Variants in SARDH observed in about 807,000 individuals in gnomAD.
The protein encoded by SARDH is sarcosine dehydrogenase, also known as sarcosine dehydrogenase, mitochondrial.
Under a neutral mutation model 109.1 loss-of-function variants are expected in SARDH, and 95 were observed. The observed-to-expected ratio is 0.87, with a 90% confidence interval of 0.74 to 1.03. The LOEUF (loss-of-function observed/expected upper bound fraction) is 1.03, where lower values mean the gene tolerates loss of function less well. Among genes scored for constraint, SARDH ranks in the 50% least tolerant of loss-of-function variants. The pLI is 0.00. For synonymous variants in SARDH, 572 were observed against 534.8 expected, an observed-to-expected ratio of 1.07 and a Z score of -0.96; for missense variants, 1,267 against 1,287.8, an observed-to-expected ratio of 0.98 and a Z score of 0.25.
Position 133,674,024 on chromosome 9 carries a change from A to T in SARDH, c.2164-2327T>A, listed in dbSNP as rs189343732. On this transcript the variant is annotated intron_variant, in intron 17 of 20. Transcript: ENST00000439388. ...AACAGTCCCTGAACGAAGGAGCAAAACGGGGGCCACACCTGCTTCCTGCCA... is the reference window on the plus strand; with the variant it reads ...AACAGTCCCTGAACGAAGGAGCAAATCGGGGGCCACACCTGCTTCCTGCCA... Among the ~76,000 whole-genome samples, 47 of 152,312 alleles carry T rather than the reference A, an allele frequency of 3.1e-4. No homozygotes were observed. The South Asian group carries it at 7.1e-3, about 23-fold the overall frequency.
intron 17 of SARDH, among the ~76,000 whole-genome samples, chr9:133,679,865 G>A (rs1042448786): frequency 1.3e-5 from 2 of 152,198 alleles, no homozygotes; most frequent in Non-Finnish European, 2.9e-5. Flanking sequence ...TCTCGCACCC[G>A]GGGCCCGGGT....
At position 133,663,765 on chromosome 9, in the gene SARDH, T is replaced by C. The variant is rs1462916492; in HGVS notation, c.*124A>G. ...TCTGGTTTGGGGGTTTTCGCAGGAC[T>C]AGGCCTAGGCTAAGGACAGGGAGGG... On this transcript the variant is annotated 3_prime_UTR_variant, in exon 21 of 21. Transcript: ENST00000439388. The C allele has an allele frequency of 7.3e-7, 1 of 1,370,556 alleles. No individual in the cohort carries two copies. Among genetic ancestry groups the C allele is most frequent in the African/African-American group, 1.4e-5 (1 of 68,970 alleles). 84.9% of individuals were successfully genotyped at this position (1,370,556 alleles called of 1,614,324 possible).
At chr9:133,735,272 C>A (rs1012235096) in intron 1 of SARDH, among the ~76,000 whole-genome samples, 1 of 152,176 alleles carries the variant, frequency 6.6e-6, no homozygotes, top group Non-Finnish European at 1.5e-5. Flanking sequence ...GCTCTGCTCC[C>A]TTGGGGCCAC....
rs1415672756 is a variant in SARDH at position 133,692,911 on chromosome 9, C to T, written c.1921+1347G>A. Among the ~76,000 whole-genome samples, 1 of 152,168 alleles carries T rather than the reference C, an allele frequency of 6.6e-6. No homozygotes were observed. The highest frequency in any genetic ancestry group is 1.5e-5 in the Non-Finnish European group (1 of 68,026). ...TGCGCACCCCATAGGACCCCTCACT[C>T]ACGCTCTCAGCCTCATCTCCGCCAC... On this transcript the variant is annotated intron_variant, in intron 15 of 20. Coordinates refer to ENST00000439388, the MANE Select transcript of SARDH (RefSeq NM_001134707.2). This position sits in a 1 kb window ranked among gnomAD's most constrained non-coding sequence, Gnocchi z 5.0.
chr9:133,683,513 G>A (rs113092824), intron 17 of SARDH, among the ~76,000 whole-genome samples: 1 of 152,168 alleles, frequency 6.6e-6, no homozygotes, highest in Non-Finnish European at 1.5e-5. Flanking sequence ...CCATCTGAAG[G>A]CCGTGTGGCC....
intron 8 of SARDH, among the ~76,000 whole-genome samples, chr9:133,714,605 G>A (rs889949928): frequency 3.3e-5 from 5 of 152,084 alleles, no homozygotes; most frequent in African/African-American, 7.2e-5. Flanking sequence ...ATAGCGAGAC[G>A]GCATCTCTAC....
At chr9:133,661,977 G>A (rs1196112338), downstream of SARDH, among the ~76,000 whole-genome samples, 3 of 152,208 alleles carry the variant, frequency 2.0e-5, no homozygotes, top group African/African-American at 7.2e-5. Context: ...CCCGGGCGGT[G>A]CACTTGGGAG....
At chr9:133,725,786 G>A (rs111766708) in intron 6 of SARDH, 92 of 216,260 alleles carry the variant, frequency 4.3e-4, no homozygotes, top group African/African-American at 2.0e-3. Context: ...AAACAAGACC[G>A]TTTAGAAAGC....
chr9:133,698,651 A>T (rs1831372779), intron 13 of SARDH, among the ~76,000 whole-genome samples: 2 of 152,326 alleles, frequency 1.3e-5, no homozygotes, highest in South Asian at 4.1e-4. Context: ...ATTTTCAACA[A>T]GGGTGCCAAG....
At chr9:133,679,149 G>A (rs1248715149) in intron 17 of SARDH, among the ~76,000 whole-genome samples, 2 of 152,190 alleles carry the variant, frequency 1.3e-5, no homozygotes, top group East Asian at 1.9e-4. Context: ...GCAACAGCTC[G>A]ACCCGTGACA....
At chr9:133,697,634 T>G (rs976866288) in intron 13 of SARDH, among the ~76,000 whole-genome samples, 1 of 152,196 alleles carries the variant, frequency 6.6e-6, no homozygotes, top group African/African-American at 2.4e-5. Context: ...AATCAATTGA[T>G]GTAATGCAAC....
At chr9:133,680,270 C>G (rs978294139) in intron 17 of SARDH, among the ~76,000 whole-genome samples, 1 of 152,206 alleles carries the variant, frequency 6.6e-6, no homozygotes, top group African/African-American at 2.4e-5. Context: ...AGCCAGGCTT[C>G]TGGCCTGAGC....
At chr9:133,689,970 C>T (rs562238740) in intron 16 of SARDH, among the ~76,000 whole-genome samples, 12 of 152,266 alleles carry the variant, frequency 7.9e-5, no homozygotes, top group South Asian at 4.1e-4. Context: ...AGGGTGTTTC[C>T]GGAGGAGCCA....
chr9:133,690,489 G>T lies in SARDH; in HGVS notation c.1960C>A (p.Gln654Lys). 6.2e-7 allele frequency: 1 copy of T among 1,610,638 alleles called. No homozygotes were observed. ...GTGGTGATGTGGGACCAGTTGTGCT[G>T]GGCCACGGCCCCGCCCATGGCCAGG... ...YYLAMGGAVA[Q>K]HNWSHITTVL... Residue 654 changes from glutamine (Q) to lysine (K), a missense_variant, in exon 16 of 21, where the codon CAG (glutamine) becomes AAG (lysine). Transcript: ENST00000439388.
Position 133,733,940 on chromosome 9 carries a change from G to A in SARDH, c.234C>T (p.Gly78=), listed in dbSNP as rs772919306. 1.9e-6 allele frequency: 3 copies of A among 1,599,816 alleles called. No homozygotes were observed. The African/African-American group carries it at 4.0e-5, about 21-fold the overall frequency. Residue 78 remains glycine, a synonymous_variant, in exon 2 of 21, where the codon GGC becomes GGT. Coordinates refer to ENST00000439388, the MANE Select transcript of SARDH (RefSeq NM_001134707.2). ...TGGCCAGGTGGTACAGGGTCTGGCA[G>A]CCCAAGCTGCCTCCACCAATGACCA... The part of the protein sequence containing the change: ...NVVVIGGGSL[G]CQTLYHLAKL...
At chr9:133,731,014 C>T (rs1832661792) in intron 4 of SARDH, among the ~76,000 whole-genome samples, 1 of 152,140 alleles carries the variant, frequency 6.6e-6, no homozygotes. Context: ...CAATGATGTG[C>T]GGAGTTGAGA....
chr9:133,663,555 C>T (rs896726055), downstream of SARDH: 23 of 319,818 alleles, frequency 7.2e-5, no homozygotes, highest in East Asian at 3.1e-4. Context: ...CTATTTGCTT[C>T]GCTGTTTTCA....
intron 1 of SARDH, among the ~76,000 whole-genome samples, 161 bp from the exon 2 acceptor site, chr9:133,734,364 C>T (rs1053814931): frequency 2.7e-5 from 4 of 147,470 alleles, no homozygotes; most frequent in South Asian, 2.1e-4. Context: ...CATTCATTCA[C>T]TCATTCATTC....
intron 18 of SARDH, 100 bp downstream of exon 18, chr9:133,671,435 A>T: frequency 7.2e-7 from 1 of 1,386,404 alleles, no homozygotes; most frequent in Non-Finnish European, 9.6e-7. Flanking sequence ...GGGTGACAAC[A>T]CAGGGAAGGT....
Sources: allele counts gnomAD v4.1 joint callset (sites outside exome capture counted in the v4.1 genomes callset), GRCh38; gene constraint gnomAD v4.1.1; non-coding constraint Gnocchi (gnomAD v3.1); transcripts MANE v1.5; gene names NCBI Gene and HGNC (gene_info 2026-07-23, HGNC 2026-07-21).